Variants in WDTC1 observed in about 807,000 individuals in gnomAD.
WDTC1 encodes WD and tetratricopeptide repeats 1.
In WDTC1, 12 loss-of-function variants were observed where a neutral mutation model predicts 76.0. The ratio of observed to expected loss-of-function variants is 0.16; its 90% CI spans 0.10 to 0.26. The LOEUF is 0.26. WDTC1 is among the 10% of genes least tolerant of loss of function. The pLI, the probability that WDTC1 is intolerant of heterozygous loss-of-function variation, is 1.00. For missense variants in WDTC1, 511 were observed against 908.8 expected, an observed-to-expected ratio of 0.56 and a Z score of 5.63; for synonymous variants, 326 against 350.8, an observed-to-expected ratio of 0.93 and a Z score of 0.79.
chr1:27,265,814 G>A (rs572995131), intron 3 of WDTC1, among the ~76,000 whole-genome samples: 10 of 152,226 alleles, frequency 6.6e-5, no homozygotes, highest in African/African-American at 2.4e-4. Flanking sequence ...GGCCATGGTG[G>A]TGTGTGCCTG....
intron 1 of WDTC1, among the ~76,000 whole-genome samples, chr1:27,252,862 T>G (rs1038615035): frequency 6.6e-6 from 1 of 152,150 alleles, no homozygotes; most frequent in African/African-American, 2.4e-5. Context: ...GTCCCTTTTT[T>G]CCATTACAGT....
chr1:27,294,110 G>A lies in WDTC1; in HGVS notation c.751G>A (p.Val251Ile), dbSNP rs776571401. 9 of 1,613,842 alleles carry A rather than the reference G, an allele frequency of 5.6e-6. No individual in the cohort carries two copies. Among genetic ancestry groups the A allele is most frequent in the Admixed American group, 3.3e-5 (2 of 59,990 alleles). The part of the protein sequence containing the change: ...PLPDGAAQYY[V>I]AGHLPVKLPD... ...TCCGGACGGTGCAGCCCAGTATTAC[G>A]TAGCAGGTAGCGCTCAGCACAGCTC... is the stretch of plus-strand genomic sequence containing the variant. The change falls in exon 8 of 16, where the codon GTA becomes ATA. Residue 251 changes from valine (V) to isoleucine (I), a missense_variant. Transcript: ENST00000319394.
Position 27,271,047 on chromosome 1 carries a change from G to C in WDTC1, c.132+7812G>C, listed in dbSNP as rs2012855808. Among the ~76,000 whole-genome samples, 6 of 152,258 alleles carry C rather than the reference G, an allele frequency of 3.9e-5. No individual in the cohort carries two copies. In the South Asian group the frequency reaches 1.2e-3, roughly 32 times the overall value. ...CAATTTTGGTGTAACAAAGGAGGGA[G>C]AATAAGAATTGATATATGCACCTGC... On this transcript the variant is annotated intron_variant, in intron 3 of 15. Coordinates refer to ENST00000319394, the MANE Select transcript of WDTC1 (RefSeq NM_001276252.2).
chr1:27,263,082 A>G, intron 2 of WDTC1, 70 bp from the exon 3 acceptor site: 1 of 1,538,010 alleles, frequency 6.5e-7, no homozygotes, highest in East Asian at 2.3e-5. Context: ...AGAGCTGGAT[A>G]TATAATAGGC....
chr1:27,235,513 C>T (rs981810329), intron 1 of WDTC1, among the ~76,000 whole-genome samples: 3 of 151,640 alleles, frequency 2.0e-5, no homozygotes, highest in South Asian at 4.2e-4. Flanking sequence ...GCGACTGTAG[C>T]ACCCCGTATA....
At chr1:27,268,966 C>T (rs1239178137) in intron 3 of WDTC1, among the ~76,000 whole-genome samples, 1 of 148,466 alleles carries the variant, frequency 6.7e-6, no homozygotes, top group Non-Finnish European at 1.5e-5. Flanking sequence ...CCACCCTCCT[C>T]AGCCTCCCAA....
chr1:27,269,092 G>A (rs763865147), intron 3 of WDTC1, among the ~76,000 whole-genome samples: 15 of 140,544 alleles, frequency 1.1e-4, no homozygotes, highest in Non-Finnish European at 2.1e-4. Context: ...TTGGGAGGCT[G>A]AGATGAGAGG....
intron 3 of WDTC1, among the ~76,000 whole-genome samples, chr1:27,272,268 T>A (rs1161229608): frequency 2.0e-5 from 3 of 151,900 alleles, no homozygotes; most frequent in Non-Finnish European, 1.5e-5. Flanking sequence ...ATTTTTTTTT[T>A]AAGTAGAGAC....
chr1:27,306,398 G>A lies in WDTC1; in HGVS notation c.*15G>A. ...GGCCCAGCTAGACCCTCCAGCCCTG[G>A]TCCCCAGCCCCTGCTACTGGCTGGA... On this transcript the variant is annotated 3_prime_UTR_variant, in exon 16 of 16. Coordinates refer to ENST00000319394, the MANE Select transcript of WDTC1 (RefSeq NM_001276252.2). This position sits in a 1 kb window ranked among gnomAD's most constrained non-coding sequence, Gnocchi z 5.0. 2.5e-6 allele frequency: 4 copies of A among 1,607,276 alleles called. No individual in the cohort carries two copies. The South Asian group carries it at 4.4e-5, about 18-fold the overall frequency.
At chr1:27,291,221 G>T (rs2013526276) in intron 6 of WDTC1, among the ~76,000 whole-genome samples, 2 of 152,206 alleles carry the variant, frequency 1.3e-5, no homozygotes, top group Admixed American at 1.3e-4. Context: ...CATGGCATGT[G>T]CAGGATAAAG....
chr1:27,262,130 C>T (rs6700219), intron 2 of WDTC1, among the ~76,000 whole-genome samples: 112,045 of 151,620 alleles, frequency 0.74, 42,394 homozygotes, highest in East Asian at 0.86. Context: ...GGGGTTTCAC[C>T]GTGTTACTCA....
At chr1:27,279,428 C>T (rs547906397) in intron 3 of WDTC1, among the ~76,000 whole-genome samples, 157 of 152,270 alleles carry the variant, frequency 1.0e-3, no homozygotes, top group African/African-American at 3.4e-3. Context: ...GTCCCAGCTA[C>T]TCAGGAGGCT....
At chr1:27,265,436 A>G (rs1233506996) in intron 3 of WDTC1, among the ~76,000 whole-genome samples, 1 of 152,188 alleles carries the variant, frequency 6.6e-6, no homozygotes, top group Non-Finnish European at 1.5e-5. Context: ...TTTTTAGTGA[A>G]TTAAGAATAT....
At chr1:27,235,436 G>C (rs1041403755) in intron 1 of WDTC1, among the ~76,000 whole-genome samples, 1 of 130,316 alleles carries the variant, frequency 7.7e-6, no homozygotes, top group Non-Finnish European at 1.6e-5. Flanking sequence ...GTGTGTGTGT[G>C]TCCACAGCAG....
rs1557509853 is a variant in WDTC1 at position 27,301,334 on chromosome 1, G to A, written c.1341G>A (p.Lys447=). The A allele has an allele frequency of 6.2e-7, 1 of 1,614,180 alleles. No individual in the cohort carries two copies. The highest frequency in any genetic ancestry group is 8.5e-7 in the Non-Finnish European group (1 of 1,180,032). The change falls in exon 13 of 16, where the codon AAG becomes AAA. Residue 447 remains lysine, a synonymous_variant. Coordinates refer to ENST00000319394, the MANE Select transcript of WDTC1 (RefSeq NM_001276252.2). The surrounding 1 kb of genome is among the most constrained non-coding windows in gnomAD (Gnocchi z 5.8). ...TGGCCCGCTGCCTCTTTGAGCTCAA[G>A]TATGTGGCTGAAGCCCTGGAGTGCC... ...FRLARCLFEL[K]YVAEALECLD...
chr1:27,249,742 G>A (rs1166193674), intron 1 of WDTC1, among the ~76,000 whole-genome samples: 2 of 152,070 alleles, frequency 1.3e-5, no homozygotes, highest in East Asian at 3.9e-4. Flanking sequence ...ACCACACCTG[G>A]CTAATTTTAT....
chr1:27,300,270 T>A (rs1215565089), intron 12 of WDTC1, among the ~76,000 whole-genome samples: 2 of 151,988 alleles, frequency 1.3e-5, no homozygotes, highest in Non-Finnish European at 2.9e-5. Flanking sequence ...CCATTAACTC[T>A]AAGGGGTGCC....
At chr1:27,292,161 C>A (rs1355609666) in intron 6 of WDTC1, 54 bp from the exon 7 acceptor site, 1 of 1,424,740 alleles carries the variant, frequency 7.0e-7, no homozygotes, top group Non-Finnish European at 9.3e-7. Flanking sequence ...TTTTCCCCTG[C>A]CTTCCTCTCA....
At chr1:27,263,034 T>C (rs1449033613) in intron 2 of WDTC1, 118 bp from the exon 3 acceptor site, 2 of 995,686 alleles carry the variant, frequency 2.0e-6, no homozygotes, top group Non-Finnish European at 3.0e-6. Context: ...GTAGGCCAGT[T>C]CCTTGTTGTC....
Sources: allele counts gnomAD v4.1 joint callset (sites outside exome capture counted in the v4.1 genomes callset), GRCh38; gene constraint gnomAD v4.1.1; non-coding constraint Gnocchi (gnomAD v3.1); transcripts MANE v1.5; gene names NCBI Gene and HGNC (gene_info 2026-07-23, HGNC 2026-07-21).